The following RGS6 variants were observed in gnomAD, a reference collection of about 807,000 sequenced individuals.
RGS6 encodes the protein regulator of G protein signaling 6, also known as regulator of G-protein signaling 6.
A neutral mutation model predicts 78.5 loss-of-function variants in RGS6; 30 were observed. That is an observed-to-expected ratio of 0.38 (90% CI 0.29 to 0.52). The LOEUF (loss-of-function observed/expected upper bound fraction) is 0.52, where lower values mean the gene tolerates loss of function less well. RGS6 is among the 20% of genes least tolerant of loss of function. The pLI is 0.85. For missense variants in RGS6, 495 were observed against 609.7 expected (o/e 0.81, Z 1.98); for synonymous variants, 206 against 206.0 (o/e 1.00, Z 0.00).
At chr14:72,410,134 G>A (rs1006938963) in intron 3 of RGS6, among the ~76,000 whole-genome samples, 5 of 152,144 alleles carry the variant, frequency 3.3e-5, no homozygotes, top group Admixed American at 2.0e-4. Context: ...CTGAGGAATC[G>A]CCACACCAAC....
At chr14:72,629,819 G>T in the RGS6 span, 1 of 1,128,216 alleles carries the variant, frequency 8.9e-7, no homozygotes, top group Non-Finnish European at 1.3e-6. Flanking sequence ...ACACATTGAT[G>T]CCCAGTGTGC....
intron 2 of RGS6, among the ~76,000 whole-genome samples, chr14:72,305,269 T>C (rs1334419325): frequency 1.3e-5 from 2 of 152,252 alleles, no homozygotes; most frequent in African/African-American, 4.8e-5. Context: ...TATTTTATGT[T>C]ATCACATTTA....
chr14:72,372,717 G>C (rs879781363), intron 3 of RGS6, among the ~76,000 whole-genome samples: 3 of 152,190 alleles, frequency 2.0e-5, no homozygotes, highest in Non-Finnish European at 4.4e-5. Flanking sequence ...CAAATGAGGA[G>C]GGCTCCAGGG....
chr14:72,549,136 C>T (rs144180913), intron 17 of RGS6, among the ~76,000 whole-genome samples: 86 of 152,292 alleles, frequency 5.6e-4, no homozygotes, highest in African/African-American at 1.7e-3. Flanking sequence ...GACTAGACTC[C>T]GCCTTGAGGG....
chr14:72,359,921 C>T (rs967525500), intron 3 of RGS6, among the ~76,000 whole-genome samples: 1 of 151,948 alleles, frequency 6.6e-6, no homozygotes, highest in African/African-American at 2.4e-5. Context: ...GTGTGTCCAA[C>T]CTGAGATGAG....
At chr14:72,293,152 C>T (rs1002210229) in intron 2 of RGS6, among the ~76,000 whole-genome samples, 11 of 152,184 alleles carry the variant, frequency 7.2e-5, no homozygotes, top group Non-Finnish European at 1.3e-4. Flanking sequence ...AAAAAATCTG[C>T]GTCCAGTTAT....
chr14:72,107,036 T>A (rs1353045525), intron 2 of RGS6, among the ~76,000 whole-genome samples: 3 of 152,178 alleles, frequency 2.0e-5, no homozygotes, highest in Admixed American at 6.5e-5. Flanking sequence ...GAGAGAAGCA[T>A]AATGGTGACA....
chr14:72,052,749 G>C (rs922591522), intron 2 of RGS6, among the ~76,000 whole-genome samples: 7 of 151,994 alleles, frequency 4.6e-5, no homozygotes, highest in African/African-American at 9.7e-5. Flanking sequence ...ATTGCTATCA[G>C]GTTTTGTAAG....
chr14:72,024,288 T>A (rs762583840), intron 2 of RGS6, among the ~76,000 whole-genome samples: 3 of 152,182 alleles, frequency 2.0e-5, no homozygotes, highest in Non-Finnish European at 4.4e-5. Flanking sequence ...TAACAGTACA[T>A]CACAATTTCT....
chr14:72,479,692 C>G (rs1005724676), intron 12 of RGS6, among the ~76,000 whole-genome samples: 1 of 152,180 alleles, frequency 6.6e-6, no homozygotes, highest in African/African-American at 2.4e-5. Context: ...CATACCTCCT[C>G]TCTCATCATG....
intron 2 of RGS6, among the ~76,000 whole-genome samples, chr14:72,279,484 C>G (rs757480161): frequency 5.3e-5 from 8 of 152,166 alleles, no homozygotes; most frequent in Non-Finnish European, 1.0e-4. Flanking sequence ...AAGAAGGTCT[C>G]TTTGGCCTAC....
intron 2 of RGS6, among the ~76,000 whole-genome samples, chr14:72,194,953 A>G (rs1028304196): frequency 2.0e-5 from 3 of 152,250 alleles, no homozygotes; most frequent in Non-Finnish European, 4.4e-5. Flanking sequence ...ACACCTGTCA[A>G]TCCCAGAGCT....
intron 2 of RGS6, among the ~76,000 whole-genome samples, chr14:72,126,540 C>T (rs186524277): frequency 6.6e-6 from 1 of 152,258 alleles, no homozygotes; most frequent in African/African-American, 2.4e-5. Context: ...TTTCCATGCC[C>T]TGCTGGCTAG....
chr14:72,401,444 A>C (rs1213616777), intron 3 of RGS6, among the ~76,000 whole-genome samples: 1 of 151,940 alleles, frequency 6.6e-6, no homozygotes, highest in Admixed American at 6.6e-5. Context: ...AGGGCATCAC[A>C]GCCATTTTGT....
intron 2 of RGS6, among the ~76,000 whole-genome samples, chr14:72,233,802 G>C (rs977525409): frequency 1.5e-4 from 23 of 152,322 alleles, no homozygotes; most frequent in African/African-American, 5.3e-4. Context: ...AGGTGGGGCA[G>C]TGGCATGGAC....
chr14:71,988,203 T>C (rs1442353314), intron 2 of RGS6, among the ~76,000 whole-genome samples: 1 of 152,170 alleles, frequency 6.6e-6, no homozygotes, highest in Non-Finnish European at 1.5e-5. Context: ...TAACTATCAG[T>C]GAGCGAGCAG....
At chr14:71,889,666 G>A in the RGS6 span, among the ~76,000 whole-genome samples, 87 of 152,278 alleles carry the variant, frequency 5.7e-4, 1 homozygote, top group African/African-American at 1.9e-3. Context: ...AAAGCAAGAG[G>A]CTGGTGATAA....
intron 2 of RGS6, among the ~76,000 whole-genome samples, chr14:72,024,998 T>C (rs994176121): frequency 3.3e-5 from 5 of 152,164 alleles, no homozygotes; most frequent in African/African-American, 9.7e-5. Flanking sequence ...CCCATAAACC[T>C]AATTAAGGGT....
intron 2 of RGS6, among the ~76,000 whole-genome samples, chr14:72,234,976 T>C (rs1014811515): frequency 1.3e-5 from 2 of 152,154 alleles, no homozygotes; most frequent in African/African-American, 4.8e-5. Flanking sequence ...TCAGAGACGA[T>C]ATTCTTGTCC....
Sources: gnomAD v4.1 joint callset for allele counts (sites outside exome capture counted in the v4.1 genomes callset) on GRCh38, gnomAD v4.1.1 for gene constraint, MANE v1.5 for transcripts, NCBI Gene and HGNC (gene_info 2026-07-23, HGNC 2026-07-21) for gene names.